The following GUSB variants were observed in gnomAD, a reference collection of about 807,000 sequenced individuals.
The protein encoded by GUSB is glucuronidase beta.
GUSB carries 51 observed loss-of-function variants against 74.6 expected under a neutral mutation model. The observed-to-expected ratio is 0.68, with a 90% CI of 0.55 to 0.86. GUSB has a LOEUF of 0.86. Among genes scored for constraint, GUSB ranks in the 40% least tolerant of loss-of-function variants. The pLI is 0.00. For synonymous variants in GUSB, 360 were observed against 348.3 expected, an observed-to-expected ratio of 1.03 and a Z score of -0.37; for missense variants, 736 against 853.7, an observed-to-expected ratio of 0.86 and a Z score of 1.72.
chr7:65,979,253 G>T, intron 4 of GUSB, 146 bp downstream of exon 4: 1 of 892,340 alleles, frequency 1.1e-6, no homozygotes, highest in Non-Finnish European at 1.9e-6. Context: ...CGCTCACACA[G>T]GCTGAATTTT....
intron 9 of GUSB, among the ~76,000 whole-genome samples, chr7:65,968,468 G>A (rs1790987228): frequency 6.6e-6 from 1 of 152,116 alleles, no homozygotes; most frequent in Admixed American, 6.6e-5. Context: ...AAAGCCCAGG[G>A]CCCCCACCAC....
Position 65,967,094 on chromosome 7 carries a change from C to T in GUSB, c.1653+637G>A, listed in dbSNP as rs1790885660. Among the ~76,000 whole-genome samples the T allele has an allele frequency of 3.3e-5, 5 of 152,210 alleles. No individual in the cohort carries two copies. The South Asian group carries it at 1.0e-3, about 32-fold the overall frequency. Reference sequence around the variant, plus strand: ...TGAAAACCCAGGAGAGAGCAGAGGACACTGAGTGTCCTGACCAGAGGTTAG... The same window carrying T: ...TGAAAACCCAGGAGAGAGCAGAGGATACTGAGTGTCCTGACCAGAGGTTAG... On this transcript the variant is annotated intron_variant, in intron 10 of 11. Transcript: ENST00000304895.
At chr7:65,972,424 A>G (rs1791275647) in intron 8 of GUSB, among the ~76,000 whole-genome samples, 1 of 152,182 alleles carries the variant, frequency 6.6e-6, no homozygotes, top group Non-Finnish European at 1.5e-5. Context: ...TTGGCCTCCC[A>G]AAGTGCTGGG....
Position 65,979,432 on chromosome 7 carries a change from T to C in GUSB, c.691A>G (p.Ile231Val). The C allele has an allele frequency of 6.2e-7, 1 of 1,613,858 alleles. No homozygotes were observed. Among genetic ancestry groups the C allele is most frequent in the South Asian group, 1.1e-5 (1 of 91,066 alleles). Residue 231 changes from isoleucine to valine, a missense_variant, in exon 4 of 12, where the codon ATC becomes GTC. Around this residue, in one of 2 missense-constraint regions of GUSB, gnomAD observed 368 missense variants for 363.8 expected, o/e 1.01. Coordinates refer to ENST00000304895, the MANE Select transcript of GUSB (RefSeq NM_000181.4). ...TGCTCCACGCTGGTGGTGACGGTGATGTCATCGATGTAGGTGGTGGGTGTC... is the reference window on the plus strand; with the variant it reads ...TGCTCCACGCTGGTGGTGACGGTGACGTCATCGATGTAGGTGGTGGGTGTC... ...YTTPTTYIDD[I>V]TVTTSVEQDS...
In GUSB at chr7:65,974,415, T is replaced by C. The variant is rs769976774; in HGVS notation, c.1271A>G (p.His424Arg). 9 of 1,614,068 alleles carry C rather than the reference T, an allele frequency of 5.6e-6. No homozygotes were observed. The highest frequency in any genetic ancestry group is 7.6e-6 in the Non-Finnish European group (9 of 1,180,048). The stretch of plus-strand genomic sequence containing the variant: ...TTCTTCCATCACCTGCATGTGGTGA[T>C]GCAGAGAAACGTTGTTGAAGAACTG... The part of the protein sequence containing the change: ...LPQFFNNVSL[H>R]HHMQVMEEVV... Residue 424 changes from histidine to arginine, a missense_variant, in exon 8 of 12, where the codon CAT (histidine) becomes CGT (arginine). Physicochemically the swap from His to Arg is conservative, Grantham distance 29. Transcript: ENST00000304895.
chr7:65,974,861 G>A (rs185307365), intron 6 of GUSB, 58 bp downstream of exon 6: 1 of 1,592,416 alleles, frequency 6.3e-7, no homozygotes, highest in Non-Finnish European at 8.6e-7. Flanking sequence ...CACAGGGAAG[G>A]CGAAAGTGGA....
intron 9 of GUSB, among the ~76,000 whole-genome samples, chr7:65,969,070 T>C (rs1562677539): frequency 6.6e-6 from 1 of 152,198 alleles, no homozygotes; most frequent in Non-Finnish European, 1.5e-5. Context: ...TAATGCGTCC[T>C]GAACACATTT....
At chr7:65,972,110 T>C (rs1332562323) in intron 8 of GUSB, among the ~76,000 whole-genome samples, 1 of 152,220 alleles carries the variant, frequency 6.6e-6, no homozygotes, top group Non-Finnish European at 1.5e-5. Flanking sequence ...GGGACCCGTC[T>C]GTGCTCAGAG....
At position 65,974,922 on chromosome 7, in the gene GUSB, C is replaced by T. The variant is rs554759648; in HGVS notation, c.1062G>A (p.Ala354=). Residue 354 remains alanine, a synonymous_variant, in exon 6 of 12, where the codon GCG becomes GCA. Transcript: ENST00000304895. ...YFHGVNKHED[A]DIRGKGFDWP... is the part of the protein sequence containing the mutation. ...GGACCCAGGAGCCCCAACACACGTC[C>T]GCATCCTCATGCTTGTTGACACCGT... 23 of 1,613,562 alleles carry T rather than the reference C, an allele frequency of 1.4e-5. No homozygotes were observed. The highest frequency in any genetic ancestry group is 3.4e-4 in the Middle Eastern group (2 of 5,944).
chr7:65,971,001 C>G (rs182934419), intron 8 of GUSB, among the ~76,000 whole-genome samples: 1 of 152,074 alleles, frequency 6.6e-6, no homozygotes, highest in Non-Finnish European at 1.5e-5. Flanking sequence ...AGTCCTAGAC[C>G]GAGCTCTCTA....
At position 65,967,998 on chromosome 7, in the gene GUSB, T is replaced by TAAG. The variant is rs555954795; in HGVS notation, c.1477-94_1477-92dup. ...GCGGGGGCTCCTCTGGCAGAGAAGG[T>TAAG]AAGGGGGATGTAATCCCAGCACTCT... On this transcript the variant is annotated intron_variant, in intron 9 of 11. Transcript: ENST00000304895. 468 of 1,077,452 alleles carry TAAG rather than the reference T, an allele frequency of 4.3e-4. 4 individuals are homozygous for TAAG. In the African/African-American group the frequency reaches 6.4e-3, roughly 15 times the overall value. The allele number at this position is 1,077,452 out of a possible 1,614,324, so 66.7% of individuals were successfully genotyped here. A position where few individuals can be genotyped will look rare whatever the true frequency, so the allele number is the denominator to read the frequency against.
At chr7:65,968,230 CAAAAAAAA>C (rs60554800) in intron 9 of GUSB, among the ~76,000 whole-genome samples, 57 of 123,340 alleles carry the variant, frequency 4.6e-4, no homozygotes, top group Non-Finnish European at 5.2e-4. Context: ...CCATTTCTAC[CAAAAAAAA>C]AAAAAAAAAA....
chr7:65,968,038 G>A, intron 9 of GUSB, 131 bp from the exon 10 acceptor site: 1 of 768,778 alleles, frequency 1.3e-6, no homozygotes, highest in Non-Finnish European at 2.2e-6. Flanking sequence ...GGCTGAGGCA[G>A]GAGGATGGCT....
chr7:65,969,312 G>C (rs1383937631), intron 9 of GUSB, among the ~76,000 whole-genome samples: 1 of 152,078 alleles, frequency 6.6e-6, no homozygotes, highest in African/African-American at 2.4e-5. Flanking sequence ...CTGGGAGGAC[G>C]AGGTTGCAGC....
chr7:65,966,619 CA>C (rs1325771066), intron 10 of GUSB, among the ~76,000 whole-genome samples: 1 of 151,848 alleles, frequency 6.6e-6, no homozygotes, highest in African/African-American at 2.4e-5. Flanking sequence ...TCCATCTTTA[CA>C]AAAAAATTTA....
intron 4 of GUSB, among the ~76,000 whole-genome samples, chr7:65,978,632 C>A (rs367763422): frequency 6.6e-6 from 1 of 150,650 alleles, no homozygotes; most frequent in Admixed American, 6.7e-5. Context: ...ATTAGCCGGG[C>A]GTGGTGGCGG....
At chr7:65,981,311 C>T (rs1050272607) in intron 1 of GUSB, among the ~76,000 whole-genome samples, 1 of 148,126 alleles carries the variant, frequency 6.8e-6, no homozygotes, top group Admixed American at 6.9e-5. Context: ...CAGCTCACTG[C>T]AACCTCTACT....
intron 4 of GUSB, among the ~76,000 whole-genome samples, chr7:65,977,315 T>G (rs1156762301): frequency 1.3e-5 from 2 of 152,152 alleles, no homozygotes; most frequent in Non-Finnish European, 2.9e-5. Context: ...TAGCCGGGAT[T>G]GCAGGCTCAC....
At position 65,982,067 on chromosome 7, in the gene GUSB, C is replaced by G; in HGVS notation, c.117G>C (p.Lys39Asn). 1 of 1,609,312 alleles carries G rather than the reference C, an allele frequency of 6.2e-7. No individual in the cohort carries two copies. Among genetic ancestry groups the G allele is most frequent in the Non-Finnish European group, 8.5e-7 (1 of 1,178,600 alleles). ...GGAAGCTCCAGAGGCCGTCCAGCTC[C>G]TTGCACTCCCGCGACGGGCTCTCCT... ...YPQESPSREC[K>N]ELDGLWSFRA... Residue 39 changes from lysine to asparagine, a missense_variant, in exon 1 of 12, where the codon AAG (lysine) becomes AAC (asparagine). By Grantham distance (94) the Lys-to-Asn change is moderately conservative. This residue lies in a region of GUSB where 368 missense variants were observed against 363.8 expected (regional missense o/e 1.01). Coordinates refer to ENST00000304895, the MANE Select transcript of GUSB (RefSeq NM_000181.4).
Sources: gnomAD v4.1 joint callset for allele counts (sites outside exome capture counted in the v4.1 genomes callset) on GRCh38, gnomAD v4.1.1 for gene constraint, gnomAD v4.1.1 regional missense constraint, MANE v1.5 for transcripts, NCBI Gene and HGNC (gene_info 2026-07-23, HGNC 2026-07-21) for gene names.